Variants in PTPRZ1 observed in about 807,000 individuals in gnomAD.
The protein encoded by PTPRZ1 is receptor-type tyrosine-protein phosphatase zeta.
In PTPRZ1, 82 loss-of-function variants were observed where a neutral mutation model predicts 214.1. That is an observed-to-expected ratio of 0.38 (90% CI 0.32 to 0.46). The LOEUF is 0.46. Among genes scored for constraint, PTPRZ1 ranks in the 20% least tolerant of loss-of-function variants. The pLI is 1.00. For synonymous variants in PTPRZ1, 945 were observed against 987.9 expected, an observed-to-expected ratio of 0.96 and a Z score of 0.81; for missense variants, 2,603 against 2,748.7, an observed-to-expected ratio of 0.95 and a Z score of 1.19.
chr7:122,048,641 G>A (rs1001026751), intron 23 of PTPRZ1, among the ~76,000 whole-genome samples: 3 of 151,714 alleles, frequency 2.0e-5, no homozygotes, highest in African/African-American at 7.3e-5. Context: ...CCAAAGAAAT[G>A]AAAACTAAAA....
At chr7:121,932,456 A>G (rs1370177088) in intron 2 of PTPRZ1, among the ~76,000 whole-genome samples, 1 of 152,198 alleles carries the variant, frequency 6.6e-6, no homozygotes, top group African/African-American at 2.4e-5. Flanking sequence ...GAATGGCTTG[A>G]GGAAATTGGA....
At chr7:121,959,856 A>ATGTTTG (rs1796822507) in intron 2 of PTPRZ1, among the ~76,000 whole-genome samples, 1 of 152,180 alleles carries the variant, frequency 6.6e-6, no homozygotes, top group Non-Finnish European at 1.5e-5. Context: ...GTGTTTGGGT[A>ATGTTTG]TGTTTGTTAG....
At chr7:121,905,459 C>T (rs959775644) in intron 1 of PTPRZ1, among the ~76,000 whole-genome samples, 22 of 152,120 alleles carry the variant, frequency 1.4e-4, no homozygotes, top group African/African-American at 5.3e-4. Context: ...TCAGCTTCAA[C>T]AAGGCCATGC....
chr7:121,967,615 T>TCA (rs1797083086), intron 2 of PTPRZ1, among the ~76,000 whole-genome samples: 1 of 152,168 alleles, frequency 6.6e-6, no homozygotes, highest in Admixed American at 6.5e-5. Flanking sequence ...TTATGAGAGG[T>TCA]GGCCATTAGA....
chr7:121,983,514 T>C, intron 6 of PTPRZ1, 151 bp from the exon 7 acceptor site: 1 of 760,070 alleles, frequency 1.3e-6, no homozygotes, highest in Non-Finnish European at 2.0e-6. Context: ...CATGCCAGCT[T>C]TATTACCATT....
At chr7:122,036,245 C>T (rs933331966) in intron 17 of PTPRZ1, among the ~76,000 whole-genome samples, 3 of 152,174 alleles carry the variant, frequency 2.0e-5, no homozygotes, top group African/African-American at 4.8e-5. Flanking sequence ...TGTAACCAAC[C>T]TTAAAATTCC....
intron 1 of PTPRZ1, among the ~76,000 whole-genome samples, chr7:121,875,592 T>G (rs1434430213): frequency 1.3e-5 from 2 of 152,368 alleles, no homozygotes; most frequent in African/African-American, 4.8e-5. Flanking sequence ...CAAGCTTATG[T>G]AATGCTACTG....
Position 121,873,551 on chromosome 7 carries a change from C to A in PTPRZ1, c.52C>A (p.Arg18Ser). 1 of 1,613,840 alleles carries A rather than the reference C, an allele frequency of 6.2e-7. No individual in the cohort carries two copies. Among genetic ancestry groups the A allele is most frequent in the African/African-American group, 1.3e-5 (1 of 75,052 alleles). The stretch of plus-strand genomic sequence containing the variant: ...TTGCATTCAGCTCCTCTGTGTTTGC[C>A]GCCTGGGTGAGTGAGAAGAGCTCGG... ...LACIQLLCVC[R>S]LDWANGYYRQ... Residue 18 changes from arginine to serine, a missense_variant, in exon 1 of 30, where the codon CGC becomes AGC. By Grantham distance (110) the Arg-to-Ser change is moderately radical (BLOSUM62 -1). Coordinates refer to ENST00000393386, the MANE Select transcript of PTPRZ1 (RefSeq NM_002851.3).
At chr7:122,037,266 C>A (rs1799576884) in intron 18 of PTPRZ1, among the ~76,000 whole-genome samples, 1 of 144,388 alleles carries the variant, frequency 6.9e-6, no homozygotes, top group African/African-American at 2.6e-5. Flanking sequence ...CAGAGTGAGA[C>A]TCCGTCTCAG....
At chr7:122,055,649 A>G (rs1399299629) in intron 27 of PTPRZ1, among the ~76,000 whole-genome samples, 2 of 151,912 alleles carry the variant, frequency 1.3e-5, no homozygotes, top group African/African-American at 4.8e-5. Context: ...TACTGTTGTT[A>G]TCTACAAGAT....
chr7:121,889,797 C>T (rs1315836915), intron 1 of PTPRZ1, among the ~76,000 whole-genome samples: 4 of 152,228 alleles, frequency 2.6e-5, no homozygotes, highest in South Asian at 2.1e-4. Context: ...GTGCCTTTGA[C>T]GTTGGTACAT....
At chr7:122,018,941 C>G (rs1444138467) in intron 12 of PTPRZ1, among the ~76,000 whole-genome samples, 183 bp from the exon 13 acceptor site, 1 of 152,132 alleles carries the variant, frequency 6.6e-6, no homozygotes, top group Non-Finnish European at 1.5e-5. Flanking sequence ...GTCTAATAGC[C>G]TGCCTTACAT....
Position 122,061,459 on chromosome 7 carries a change from G to A in PTPRZ1, c.*239G>A, listed in dbSNP as rs1051609173. 1.1e-5 allele frequency: 3 copies of A among 281,478 alleles called. No individual in the cohort carries two copies. Among genetic ancestry groups the A allele is most frequent in the African/African-American group, 4.4e-5 (2 of 45,732 alleles). 17.4% of individuals were successfully genotyped at this position (281,478 alleles called of 1,614,324 possible). A position where few individuals can be genotyped will look rare whatever the true frequency, so the allele number is the denominator to read the frequency against. ...TGAATTTTACAGTATTTCTAAGAATGGAATTGTGGTATTTTTTTCTGTATT... is the reference window on the plus strand; with the variant it reads ...TGAATTTTACAGTATTTCTAAGAATAGAATTGTGGTATTTTTTTCTGTATT... On this transcript the variant is annotated 3_prime_UTR_variant, in exon 30 of 30. Transcript: ENST00000393386.
chr7:122,011,211 AGGTAACACCTCATGC>A lies in PTPRZ1; in HGVS notation c.2166_2180del (p.Glu722_Ala727delinsAsp). 6.2e-7 allele frequency: 1 copy of A among 1,614,090 alleles called. No homozygotes were observed. Among genetic ancestry groups the A allele is most frequent in the Non-Finnish European group, 8.5e-7 (1 of 1,180,014 alleles). On this transcript the variant is annotated inframe_deletion, in exon 12 of 30. Transcript: ENST00000393386. The stretch of plus-strand genomic sequence containing the variant: ...TCTACCTTTGCCTACTTCCCAACTG[AGGTAACACCTCATGC>A]TTTTACCCCATCCTCCAGACAACAG...
At chr7:122,023,553 ATATAT>A (rs532535768) in intron 13 of PTPRZ1, among the ~76,000 whole-genome samples, 4 of 121,540 alleles carry the variant, frequency 3.3e-5, no homozygotes, top group African/African-American at 1.1e-4. Flanking sequence ...ATATAATTAT[ATATAT>A]TATATGTATA....
intron 1 of PTPRZ1, among the ~76,000 whole-genome samples, chr7:121,909,196 TG>T (rs927872428): frequency 6.6e-6 from 1 of 152,192 alleles, no homozygotes; most frequent in African/African-American, 2.4e-5. Context: ...TTTTATCTTG[TG>T]ACTCTTTTTT....
Position 122,011,215 on chromosome 7 carries a change from A to G in PTPRZ1, c.2169A>G (p.Val723=), listed in dbSNP as rs150378227. 3.7e-6 allele frequency: 6 copies of G among 1,613,930 alleles called. No individual in the cohort carries two copies. In the African/African-American group the frequency reaches 8.0e-5, roughly 22 times the overall value. ...CCTTTGCCTACTTCCCAACTGAGGT[A>G]ACACCTCATGCTTTTACCCCATCCT... The part of the protein sequence containing the change: ...YSTFAYFPTE[V]TPHAFTPSSR... Residue 723 remains valine, a synonymous_variant, in exon 12 of 30, where the codon GTA becomes GTG. Coordinates refer to ENST00000393386, the MANE Select transcript of PTPRZ1 (RefSeq NM_002851.3).
At position 122,010,726 on chromosome 7, in the gene PTPRZ1, A is replaced by G. The variant is rs755082258; in HGVS notation, c.1680A>G (p.Leu560=). 9.9e-6 allele frequency: 16 copies of G among 1,613,972 alleles called. No homozygotes were observed. Among genetic ancestry groups the G allele is most frequent in the Non-Finnish European group, 1.4e-5 (16 of 1,179,956 alleles). ...HMNLSGTAES[L]NTVSITEYEE... is the part of the protein sequence containing the mutation. ...ACTTGTCGGGGACTGCAGAATCCTT[A>G]AATACAGTTTCTATAACAGAATATG... The change falls in exon 12 of 30, where the codon TTA becomes TTG. Residue 560 remains leucine (L), a synonymous_variant. Coordinates refer to ENST00000393386, the MANE Select transcript of PTPRZ1 (RefSeq NM_002851.3).
chr7:122,001,830 T>G (rs1798335823), intron 10 of PTPRZ1, among the ~76,000 whole-genome samples: 1 of 152,212 alleles, frequency 6.6e-6, no homozygotes, highest in African/African-American at 2.4e-5. Flanking sequence ...GAATTCTAAG[T>G]GTTCACTCAA....
Sources: allele counts gnomAD v4.1 joint callset (sites outside exome capture counted in the v4.1 genomes callset), GRCh38; gene constraint gnomAD v4.1.1; transcripts MANE v1.5; gene names NCBI Gene and HGNC (gene_info 2026-07-23, HGNC 2026-07-21).